USP14: variants seen among roughly 807,000 people sequenced by gnomAD.
USP14 encodes ubiquitin specific peptidase 14, also known as ubiquitin carboxyl-terminal hydrolase 14.
Under a neutral mutation model 76.5 loss-of-function variants are expected in USP14, and 38 were observed. The observed-to-expected ratio is 0.50, with a 90% CI of 0.38 to 0.65. The LOEUF is 0.65. Ranked by LOEUF, USP14 falls within the 30% of genes least tolerant of loss-of-function variation. The pLI, the probability that USP14 is intolerant of heterozygous loss-of-function variation, is 0.00. For synonymous variants in USP14, 192 were observed against 191.7 expected (o/e 1.00, Z -0.01); for missense variants, 467 against 586.5 (o/e 0.80, Z 2.10).
rs1401374347 is a variant in USP14, at chr18:212,708, A to G, written c.*1424A>G. The G allele has an allele frequency of 7.2e-5, 11 of 152,228 alleles. No individual in the cohort carries two copies. Among genetic ancestry groups the G allele is most frequent in the Admixed American group, 7.2e-4 (11 of 15,288 alleles). The allele number at this position is 152,228 out of a possible 1,614,324, so 9.4% of individuals were successfully genotyped here. On this transcript the variant is annotated 3_prime_UTR_variant, in exon 16 of 16. Transcript: ENST00000261601. ...AGCATATGAGGTATTTCAATATGAT[A>G]GGCTTCTTACATTTTAATAGTTACT...
Position 212,695 on chromosome 18 carries a change from A to AT in USP14, c.*1414dup, listed in dbSNP as rs1910703183. The AT allele has an allele frequency of 6.6e-6, 1 of 152,186 alleles. No individual in the cohort carries two copies. Among genetic ancestry groups the AT allele is most frequent in the Non-Finnish European group, 1.5e-5 (1 of 68,026 alleles). 9.4% of individuals were successfully genotyped at this position (152,186 alleles called of 1,614,324 possible). ...GTAGAAAATACCAAGCATATGAGGTATTTCAATATGATAGGCTTCTTACAT... is the reference window on the plus strand; with the variant it reads ...GTAGAAAATACCAAGCATATGAGGTATTTTCAATATGATAGGCTTCTTACAT... On this transcript the variant is annotated 3_prime_UTR_variant, in exon 16 of 16. Coordinates refer to ENST00000261601, the MANE Select transcript of USP14 (RefSeq NM_005151.4).
intron 13 of USP14, among the ~76,000 whole-genome samples, chr18:205,771 ACT>A (rs1459948231): frequency 2.0e-5 from 3 of 151,874 alleles, no homozygotes; most frequent in African/African-American, 4.8e-5. Flanking sequence ...ACAAAGCAAG[ACT>A]CTGTTTCTAA....
intron 5 of USP14, among the ~76,000 whole-genome samples, chr18:185,038 T>G (rs1228110622): frequency 1.3e-5 from 2 of 152,158 alleles, no homozygotes; most frequent in Non-Finnish European, 2.9e-5. Flanking sequence ...AAATTACTCC[T>G]CAAAAGACAG....
rs187496577 is a variant in USP14 at position 173,265 on chromosome 18, A to G, written c.196-5668A>G. Among the ~76,000 whole-genome samples the G allele has an allele frequency of 7.7e-3, 1,159 of 150,910 alleles. 8 individuals carry two copies. The highest frequency in any genetic ancestry group is 0.011 in the African/African-American group (445 of 41,098). ...TGGGACTACAGGTGCCTGCCACCACACCCGGCTATTTTTTTTGTATTTTTT... is the reference window on the plus strand; with the variant it reads ...TGGGACTACAGGTGCCTGCCACCACGCCCGGCTATTTTTTTTGTATTTTTT... On this transcript the variant is annotated intron_variant, in intron 3 of 15. Coordinates refer to ENST00000261601, the MANE Select transcript of USP14 (RefSeq NM_005151.4).
intron 2 of USP14, among the ~76,000 whole-genome samples, chr18:164,756 C>CT (rs959911251): frequency 3.7e-4 from 56 of 151,566 alleles, no homozygotes; most frequent in African/African-American, 1.3e-3. Context: ...ACCCAGCCCC[C>CT]TTTTTTCTAA....
rs541727318 is a variant in USP14, at chr18:213,937, G to GCAAA, written c.*2660_*2663dup. Reference sequence around the variant, plus strand: ...TTAGACTTCATTTCTTTTAAAGTTGGCAAACAAACATTTTCTGTAATGGAC... The same window carrying GCAAA: ...TTAGACTTCATTTCTTTTAAAGTTGGCAAACAAACAAACATTTTCTGTAATGGAC... On this transcript the variant is annotated 3_prime_UTR_variant, in exon 16 of 16. Coordinates refer to ENST00000261601, the MANE Select transcript of USP14 (RefSeq NM_005151.4). The GCAAA allele has an allele frequency of 2.7e-5, 4 of 149,612 alleles. No individual in the cohort carries two copies. Among genetic ancestry groups the GCAAA allele is most frequent in the African/African-American group, 7.3e-5 (3 of 41,120 alleles). 9.3% of individuals were successfully genotyped at this position (149,612 alleles called of 1,614,324 possible).
chr18:167,934 C>CTT (rs34207469), intron 3 of USP14, among the ~76,000 whole-genome samples: 2,222 of 115,936 alleles, frequency 0.019, 22 homozygotes, highest in African/African-American at 0.032. Flanking sequence ...ATTTTTCTCT[C>CTT]TTTTTTTTTT....
intron 1 of USP14, among the ~76,000 whole-genome samples, chr18:159,861 C>T (rs930345094): frequency 6.6e-6 from 1 of 152,136 alleles, no homozygotes; most frequent in Non-Finnish European, 1.5e-5. Flanking sequence ...TTTTCCTCAT[C>T]CCCCAAATGA....
rs1484159150 is a variant in USP14, at chr18:199,294, A to G, written c.854A>G (p.Tyr285Cys). 2 of 1,613,166 alleles carry G rather than the reference A, an allele frequency of 1.2e-6. No homozygotes were observed. Among genetic ancestry groups the G allele is most frequent in the African/African-American group, 1.3e-5 (1 of 74,920 alleles). Residue 285 changes from tyrosine to cysteine, a missense_variant, in exon 10 of 16, where the codon TAT becomes TGT. By Grantham distance (194) the Tyr-to-Cys change is radical. Coordinates refer to ENST00000261601, the MANE Select transcript of USP14 (RefSeq NM_005151.4). ...TGTTTTATCAATCAGGAAGTCAAGTATCTTTTTACAGGACTTAAATTGGTA... is the reference window on the plus strand; with the variant it reads ...TGTTTTATCAATCAGGAAGTCAAGTGTCTTTTTACAGGACTTAAATTGGTA... Reference protein sequence around the residue: ...LSCFINQEVKYLFTGLKLRLQ... With the variant: ...LSCFINQEVKCLFTGLKLRLQ...
intron 3 of USP14, among the ~76,000 whole-genome samples, chr18:178,354 A>G (rs1187943106): frequency 6.6e-6 from 1 of 152,102 alleles, no homozygotes; most frequent in East Asian, 1.9e-4. Flanking sequence ...GGAGAGAGAT[A>G]ATGCCACTAA....
At chr18:179,822 A>G (rs1433577136) in intron 4 of USP14, among the ~76,000 whole-genome samples, 2 of 148,960 alleles carry the variant, frequency 1.3e-5, no homozygotes, top group African/African-American at 5.0e-5. Context: ...GCTGATCTTG[A>G]ACTTCTGACC....
intron 6 of USP14, among the ~76,000 whole-genome samples, chr18:194,778 A>G (rs1910185894): frequency 6.6e-6 from 1 of 152,170 alleles, no homozygotes; most frequent in Non-Finnish European, 1.5e-5. Flanking sequence ...TAAAAATGCA[A>G]AAATTAGCCG....
intron 2 of USP14, among the ~76,000 whole-genome samples, chr18:163,818 T>G (rs1454292807): frequency 1.5e-5 from 1 of 64,632 alleles, no homozygotes; most frequent in Non-Finnish European, 3.7e-5. Context: ...CGATAGGTAG[T>G]TTTTTTTTTT....
chr18:173,213 T>C (rs1383123265), intron 3 of USP14, among the ~76,000 whole-genome samples: 2 of 150,656 alleles, frequency 1.3e-5, no homozygotes, highest in Admixed American at 6.6e-5. Context: ...GTTCACGCCA[T>C]TCTCCTGCCT....
At chr18:175,163 A>G (rs911943609) in intron 3 of USP14, among the ~76,000 whole-genome samples, 9 of 152,166 alleles carry the variant, frequency 5.9e-5, no homozygotes, top group African/African-American at 2.2e-4. Context: ...CTGTGACTTT[A>G]TTTCATATAT....
At chr18:190,794 C>T (rs1357265447) in intron 5 of USP14, among the ~76,000 whole-genome samples, 2 of 152,006 alleles carry the variant, frequency 1.3e-5, no homozygotes, top group South Asian at 4.1e-4. Flanking sequence ...GACTGTAAAA[C>T]CTCTCAGTAT....
intron 13 of USP14, among the ~76,000 whole-genome samples, chr18:208,855 C>T (rs1910596338): frequency 6.6e-6 from 1 of 152,192 alleles, no homozygotes; most frequent in South Asian, 2.1e-4. Flanking sequence ...AAGCAATTCT[C>T]ATGCCTCAGC....
chr18:191,890 T>G (rs183974410), intron 5 of USP14, among the ~76,000 whole-genome samples: 1 of 152,350 alleles, frequency 6.6e-6, no homozygotes, highest in East Asian at 1.9e-4. Context: ...CTTCAGTGTT[T>G]GATATTAACT....
chr18:206,771 C>T (rs529083775), intron 13 of USP14, among the ~76,000 whole-genome samples: 4 of 152,170 alleles, frequency 2.6e-5, no homozygotes, highest in South Asian at 2.1e-4. Context: ...TATGGTGGTG[C>T]GGACCTATAA....
Sources: allele counts gnomAD v4.1 joint callset (sites outside exome capture counted in the v4.1 genomes callset), GRCh38; gene constraint gnomAD v4.1.1; transcripts MANE v1.5; gene names NCBI Gene and HGNC (gene_info 2026-07-23, HGNC 2026-07-21).